Variants in CD82 observed in about 807,000 individuals in gnomAD.
CD82 encodes the protein CD82 molecule.
In CD82, 36 loss-of-function variants were observed where a neutral mutation model predicts 37.4. The observed-to-expected ratio is 0.96, with a 90% CI of 0.74 to 1.27. CD82 has a LOEUF of 1.27. CD82 is among the 50% of genes most tolerant of loss of function. The pLI is 0.00. For synonymous variants in CD82, 158 were observed against 137.4 expected (o/e 1.15, Z -1.05); for missense variants, 340 against 347.0 (o/e 0.98, Z 0.16).
intron 1 of CD82, among the ~76,000 whole-genome samples, chr11:44,582,606 G>A (rs2863106): frequency 0.98 from 149,620 of 152,324 alleles, 73,499 homozygotes; most frequent in Non-Finnish European, 0.99. Flanking sequence ...CTCAGGGCCC[G>A]TACTATCATC....
At chr11:44,607,824 C>T (rs774216163) in intron 6 of CD82, among the ~76,000 whole-genome samples, 35 of 152,198 alleles carry the variant, frequency 2.3e-4, no homozygotes, top group Non-Finnish European at 3.5e-4. Flanking sequence ...GCCCTCCCGC[C>T]GGCTGGGTAA....
chr11:44,583,215 G>A (rs918223270), intron 1 of CD82, among the ~76,000 whole-genome samples: 5 of 152,146 alleles, frequency 3.3e-5, no homozygotes, highest in South Asian at 4.2e-4. Context: ...GCTGTGGAAA[G>A]CAAGAGGTCA....
chr11:44,605,236 T>A, intron 5 of CD82, 54 bp downstream of exon 5: 2 of 1,607,514 alleles, frequency 1.2e-6, no homozygotes, highest in Non-Finnish European at 1.7e-6. Context: ...TCCAGCCGAG[T>A]GCAGCCTGAC....
chr11:44,609,324 G>C (rs921473155), intron 6 of CD82, among the ~76,000 whole-genome samples: 12 of 152,194 alleles, frequency 7.9e-5, no homozygotes, highest in African/African-American at 2.9e-4. Context: ...GGAGGAGTGA[G>C]AAGGAAGTGA....
At chr11:44,590,533 C>A (rs1853127580) in intron 2 of CD82, among the ~76,000 whole-genome samples, 2 of 130,638 alleles carry the variant, frequency 1.5e-5, no homozygotes, top group Non-Finnish European at 3.1e-5. Flanking sequence ...ATGGCGTGAA[C>A]CCAGGAGGCG....
intron 6 of CD82, among the ~76,000 whole-genome samples, chr11:44,614,292 A>C (rs1853529817): frequency 6.6e-6 from 1 of 152,016 alleles, no homozygotes. Context: ...GAGAGGCTGC[A>C]CTCTGGTCCT....
At chr11:44,596,377 G>A (rs571426998) in intron 3 of CD82, among the ~76,000 whole-genome samples, 4 of 152,388 alleles carry the variant, frequency 2.6e-5, no homozygotes, top group Non-Finnish European at 4.4e-5. Flanking sequence ...GGGCTTTAGG[G>A]ACTAGAGAGA....
chr11:44,571,047 C>T (rs1255985542), intron 1 of CD82, among the ~76,000 whole-genome samples: 1 of 152,150 alleles, frequency 6.6e-6, no homozygotes, highest in Non-Finnish European at 1.5e-5. Context: ...CTTGACTTTC[C>T]CTGCTGTGTG....
At chr11:44,587,151 G>A in intron 1 of CD82, 1 of 337,082 alleles carries the variant, frequency 3.0e-6, no homozygotes, top group East Asian at 7.5e-5. Context: ...GAATAGATTG[G>A]GTGTTTAGGG....
chr11:44,569,168 A>T (rs139426996), intron 1 of CD82, among the ~76,000 whole-genome samples: 2,253 of 152,252 alleles, frequency 0.015, 53 homozygotes, highest in African/African-American at 0.052. Context: ...CCGGGGTCTG[A>T]GGAGCTGGGA....
At chr11:44,585,071 C>A in intron 1 of CD82, 1 of 384,228 alleles carries the variant, frequency 2.6e-6, no homozygotes, top group Non-Finnish European at 5.2e-6. Context: ...TTCCCAGTGG[C>A]ACAGCCTGGA....
intron 3 of CD82, among the ~76,000 whole-genome samples, chr11:44,595,872 C>G (rs933227271): frequency 2.2e-5 from 3 of 137,236 alleles, no homozygotes; most frequent in Non-Finnish European, 4.5e-5. Flanking sequence ...GAGTTCTAGA[C>G]CAGCTTGGGC....
At chr11:44,564,638 G>A (rs961300234), upstream of CD82, 3 of 394,134 alleles carry the variant, frequency 7.6e-6, no homozygotes, top group Non-Finnish European at 1.5e-5. Context: ...GAGAAAGCCA[G>A]CTTTGAGGGC....
chr11:44,604,913 G>A (rs1469936753), intron 4 of CD82, 145 bp from the exon 5 acceptor site: 30 of 1,148,012 alleles, frequency 2.6e-5, no homozygotes, highest in African/African-American at 6.1e-5. Context: ...CTGGTTCCCT[G>A]TTGGGCAGTG....
chr11:44,582,121 C>T (rs1374870379), intron 1 of CD82, among the ~76,000 whole-genome samples: 1 of 152,240 alleles, frequency 6.6e-6, no homozygotes, highest in Non-Finnish European at 1.5e-5. Context: ...AGCTCAGCTG[C>T]ACCACTGTCC....
In CD82 at chr11:44,618,292, A is replaced by G. The variant is rs781515941; in HGVS notation, c.569A>G (p.Lys190Arg). 2.5e-6 allele frequency: 4 copies of G among 1,613,978 alleles called. No individual in the cohort carries two copies. The highest frequency in any genetic ancestry group is 3.4e-6 in the Non-Finnish European group (4 of 1,180,034). Residue 190 changes from lysine (K) to arginine (R), a missense_variant, in exon 8 of 10, where the codon AAG becomes AGG. Lys to Arg is a conservative substitution (Grantham distance 26). Coordinates refer to ENST00000227155, the MANE Select transcript of CD82 (RefSeq NM_002231.4). ...GEEDNSLSVR[K>R]GFCEAPGNRT... The stretch of plus-strand genomic sequence containing the variant: ...GAGGACAACAGCCTTTCTGTGAGGA[A>G]GGGCTTCTGCGAGGCCCCCGGCAAC...
chr11:44,578,374 G>A (rs973684833), intron 1 of CD82, among the ~76,000 whole-genome samples: 1 of 152,150 alleles, frequency 6.6e-6, no homozygotes, highest in Non-Finnish European at 1.5e-5. Flanking sequence ...CTGAGACCAC[G>A]ATGGTGTTGC....
At chr11:44,618,098 C>T in intron 7 of CD82, 64 bp from the exon 8 acceptor site, 1 of 1,491,772 alleles carries the variant, frequency 6.7e-7, no homozygotes, top group East Asian at 2.3e-5. Context: ...CCTCCCTCTG[C>T]CAGGAGGGCA....
At chr11:44,600,802 T>C (rs1414731770) in intron 4 of CD82, among the ~76,000 whole-genome samples, 1 of 152,218 alleles carries the variant, frequency 6.6e-6, no homozygotes, top group African/African-American at 2.4e-5. Context: ...GTGAGGTAGA[T>C]ACTGTTCTAT....
Sources: allele counts gnomAD v4.1 joint callset (sites outside exome capture counted in the v4.1 genomes callset), GRCh38; gene constraint gnomAD v4.1.1; transcripts MANE v1.5; gene names NCBI Gene and HGNC (gene_info 2026-07-23, HGNC 2026-07-21).